The following ASPH variants were observed in gnomAD, a reference collection of about 807,000 sequenced individuals.
The protein encoded by ASPH is aspartyl/asparaginyl beta-hydroxylase.
A neutral mutation model predicts 118.4 loss-of-function variants in ASPH; 100 were observed. That is an observed-to-expected ratio of 0.84 (90% CI 0.72 to 1.00). The LOEUF (loss-of-function observed/expected upper bound fraction) is 1.00, where lower values mean the gene tolerates loss of function less well. Among genes scored for constraint, ASPH ranks in the 50% least tolerant of loss-of-function variants. The pLI, the probability that ASPH is intolerant of heterozygous loss-of-function variation, is 0.00. For synonymous variants in ASPH, 315 were observed against 325.6 expected (o/e 0.97, Z 0.35); for missense variants, 920 against 919.5 (o/e 1.00, Z -0.01).
intron 24 of ASPH, among the ~76,000 whole-genome samples, chr8:61,506,284 C>G (rs10106575): frequency 1.1e-4 from 17 of 151,864 alleles, no homozygotes; most frequent in South Asian, 2.1e-4. Flanking sequence ...GTTAAATTCA[C>G]AGAGAGAGAA....
chr8:61,503,673 G>A (rs1345058117), intron 24 of ASPH, among the ~76,000 whole-genome samples, 164 bp from the exon 25 acceptor site: 2 of 152,214 alleles, frequency 1.3e-5, no homozygotes, highest in African/African-American at 4.8e-5. Context: ...TGATGATTAG[G>A]AAAGAATTTC....
At chr8:61,507,032 C>T (rs1186351330) in intron 24 of ASPH, among the ~76,000 whole-genome samples, 2 of 152,006 alleles carry the variant, frequency 1.3e-5, no homozygotes, top group Non-Finnish European at 2.9e-5. Context: ...AAATTCTAGC[C>T]CACACAAAAT....
chr8:61,561,407 A>G (rs113383884), intron 18 of ASPH, among the ~76,000 whole-genome samples: 3,756 of 152,294 alleles, frequency 0.025, 111 homozygotes, highest in African/African-American at 0.067. Context: ...TAAAGGTTCA[A>G]TCCACCCTGT....
intron 1 of ASPH, among the ~76,000 whole-genome samples, chr8:61,691,291 T>A (rs1395402411): frequency 6.6e-6 from 1 of 152,164 alleles, no homozygotes; most frequent in East Asian, 1.9e-4. Context: ...CTGCAACCTA[T>A]GGTACCAACA....
At chr8:61,541,012 C>A (rs1821685941) in intron 21 of ASPH, among the ~76,000 whole-genome samples, 1 of 152,068 alleles carries the variant, frequency 6.6e-6, no homozygotes, top group African/African-American at 2.4e-5. Context: ...GTAATCCCAG[C>A]ACTTTGGAAG....
intron 16 of ASPH, among the ~76,000 whole-genome samples, chr8:61,571,138 ATGAACT>A (rs1833366757): frequency 6.6e-6 from 1 of 152,182 alleles, no homozygotes; most frequent in Non-Finnish European, 1.5e-5. Context: ...TAAAACTACT[ATGAACT>A]TGAAGTTTCC....
At chr8:61,546,984 T>C (rs925079519) in intron 21 of ASPH, among the ~76,000 whole-genome samples, 1 of 152,210 alleles carries the variant, frequency 6.6e-6, no homozygotes, top group Non-Finnish European at 1.5e-5. Context: ...TCAGAATATA[T>C]TTTCTTATAT....
In ASPH at chr8:61,638,005, TA is replaced by T; in HGVS notation, c.833-3del. ...TATCCTCAGGGGGAGCAGTTACTTC[TA>T]AAATAAAGAATAAAATCAGAATCCA... On this transcript the variant is annotated splice_region_variant and splice_polypyrimidine_tract_variant and intron_variant, in intron 11 of 24. Coordinates refer to ENST00000379454, the MANE Select transcript of ASPH (RefSeq NM_004318.4). The T allele has an allele frequency of 6.2e-7, 1 of 1,606,706 alleles. No homozygotes were observed. Among genetic ancestry groups the T allele is most frequent in the Non-Finnish European group, 8.5e-7 (1 of 1,176,904 alleles).
intron 14 of ASPH, among the ~76,000 whole-genome samples, chr8:61,588,034 AT>A (rs1839982067): frequency 1.3e-5 from 2 of 152,098 alleles, no homozygotes; most frequent in Non-Finnish European, 2.9e-5. Flanking sequence ...TGTGCTTCTA[AT>A]TTTCAGTATT....
At chr8:61,682,540 A>G (rs1193640898) in intron 2 of ASPH, 7 of 1,479,520 alleles carry the variant, frequency 4.7e-6, no homozygotes, top group East Asian at 2.3e-5. Context: ...ACAAATACTT[A>G]AAGTGTCCTC....
chr8:61,687,852 T>G (rs1432257601), intron 1 of ASPH, among the ~76,000 whole-genome samples: 1 of 152,226 alleles, frequency 6.6e-6, no homozygotes, highest in Admixed American at 6.5e-5. Flanking sequence ...CTTTTTAATA[T>G]CAAATAAATG....
chr8:61,545,631 G>C (rs1482087252), intron 21 of ASPH, among the ~76,000 whole-genome samples: 1 of 152,120 alleles, frequency 6.6e-6, no homozygotes, highest in Non-Finnish European at 1.5e-5. Context: ...AAAATGAATG[G>C]CAAGAAAAAG....
At chr8:61,624,375 C>T in intron 13 of ASPH, 1 of 985,242 alleles carries the variant, frequency 1.0e-6, no homozygotes, top group Middle Eastern at 5.2e-4. Flanking sequence ...GCAAAATAAG[C>T]ATTATCTGTT....
At chr8:61,596,424 C>T (rs537566617) in intron 14 of ASPH, among the ~76,000 whole-genome samples, 123 of 152,250 alleles carry the variant, frequency 8.1e-4, no homozygotes, top group Non-Finnish European at 1.1e-3. Flanking sequence ...ACTGCAGCCA[C>T]TGCTGGTAAC....
Position 61,648,663 on chromosome 8 carries a change from T to C in ASPH, c.491-1785A>G, listed in dbSNP as rs1809302877. 2.6e-5 allele frequency among the ~76,000 whole-genome samples: 4 copies of C among 152,222 alleles called. No homozygotes were observed. In the South Asian group the frequency reaches 6.2e-4, roughly 24 times the overall value. ...GAAACCAGTCTAACATTGAACACTA[T>C]CTTTGAGTCTCATCATGAAAAATTT... On this transcript the variant is annotated intron_variant, in intron 5 of 24. Transcript: ENST00000379454.
In ASPH at chr8:61,503,521, A is replaced by G; in HGVS notation, c.2127-12T>C. ...CTTCCTCCCAGGTCCTGCAGCAGAA[A>G]GACAAGGATTCCTGAATATAGTTTT... On this transcript the variant is annotated splice_polypyrimidine_tract_variant and intron_variant, in intron 24 of 24. Coordinates refer to ENST00000379454, the MANE Select transcript of ASPH (RefSeq NM_004318.4). 1 of 1,606,232 alleles carries G rather than the reference A, an allele frequency of 6.2e-7. No homozygotes were observed. The highest frequency in any genetic ancestry group is 8.5e-7 in the Non-Finnish European group (1 of 1,175,472).
chr8:61,683,407 T>C (rs564869547), intron 2 of ASPH: 1 of 152,082 alleles, frequency 6.6e-6, no homozygotes, highest in East Asian at 1.9e-4. Context: ...TAAAAAATCA[T>C]GAAAAACTTC....
chr8:61,709,902 G>A (rs1837666890), intron 1 of ASPH, among the ~76,000 whole-genome samples: 1 of 152,198 alleles, frequency 6.6e-6, no homozygotes, highest in African/African-American at 2.4e-5. Context: ...AATGTATCGA[G>A]CAGTCCTCAA....
rs368974538 is a variant in ASPH, at chr8:61,517,620, C to T, written c.2034G>A (p.Pro678=). 233 of 1,613,876 alleles carry T rather than the reference C, an allele frequency of 1.4e-4. No homozygotes were observed. The highest frequency in any genetic ancestry group is 1.9e-4 in the Non-Finnish European group (227 of 1,179,920). ...SIMHPGTHVW[P]HTGPTNCRLR... is the part of the protein sequence containing the mutation. ...GCCTGCAGTTTGTGGGCCCTGTGTG[C>T]GGCCACACGTGAGTCCCGGGGTGCA... is the stretch of plus-strand genomic sequence containing the variant. Residue 678 remains proline (P), a synonymous_variant, in exon 24 of 25, where the codon CCG becomes CCA. Coordinates refer to ENST00000379454, the MANE Select transcript of ASPH (RefSeq NM_004318.4).
Sources: gnomAD v4.1 joint callset for allele counts (sites outside exome capture counted in the v4.1 genomes callset) on GRCh38, gnomAD v4.1.1 for gene constraint, MANE v1.5 for transcripts, NCBI Gene and HGNC (gene_info 2026-07-23, HGNC 2026-07-21) for gene names.